The following PTPRM variants were observed in gnomAD, a reference collection of about 807,000 sequenced individuals.
PTPRM encodes receptor-type tyrosine-protein phosphatase mu.
In PTPRM, 47 loss-of-function variants were observed where a neutral mutation model predicts 186.7. The ratio of observed to expected loss-of-function variants is 0.25; its 90% confidence interval spans 0.20 to 0.32. The LOEUF (loss-of-function observed/expected upper bound fraction) is 0.32. Among genes scored for constraint, PTPRM ranks in the 10% least tolerant of loss-of-function variants. The probability of loss-of-function intolerance (pLI) is 1.00; values close to 1 mark genes in which losing one functional copy is unlikely to be tolerated. For missense variants in PTPRM, 1,494 were observed against 1,865.0 expected, an observed-to-expected ratio of 0.80 and a Z score of 3.66; for synonymous variants, 668 against 674.9, an observed-to-expected ratio of 0.99 and a Z score of 0.16.
chr18:7,735,948 G>A (rs562004194), intron 1 of PTPRM, among the ~76,000 whole-genome samples: 2 of 150,908 alleles, frequency 1.3e-5, no homozygotes, highest in East Asian at 2.0e-4. Context: ...TGAAAGCACC[G>A]CCTCCCCCCA....
chr18:8,126,027 A>ATATATATATTTTTTT (rs57751538), intron 13 of PTPRM, among the ~76,000 whole-genome samples: 64 of 69,478 alleles, frequency 9.2e-4, no homozygotes, highest in Non-Finnish European at 1.3e-3. Context: ...ATATATATAT[A>ATATATATATTTTTTT]TTTTAAATCA....
intron 7 of PTPRM, among the ~76,000 whole-genome samples, chr18:8,031,450 G>T (rs376636710): frequency 2.6e-5 from 4 of 152,134 alleles, no homozygotes; most frequent in Non-Finnish European, 5.9e-5. Context: ...CAATAATTCC[G>T]TCAGATGCAG....
chr18:8,273,806 G>A (rs1387299501), intron 19 of PTPRM, among the ~76,000 whole-genome samples: 1 of 152,204 alleles, frequency 6.6e-6, no homozygotes, highest in Non-Finnish European at 1.5e-5. Context: ...GAAAGGAGGA[G>A]AAAATGGAGC....
In PTPRM at chr18:7,665,577, A is replaced by T. The variant is rs532672047; in HGVS notation, c.73+97686A>T. ...GAAGTTATAATTTAGAAGAGCATTA[A>T]ATTAGGATATTTGGAATTATTCTTT... On this transcript the variant is annotated intron_variant, in intron 1 of 32. Transcript: ENST00000580170. 4.1e-4 allele frequency among the ~76,000 whole-genome samples: 63 copies of T among 152,244 alleles called. 2 individuals are homozygous for T. In the South Asian group the frequency reaches 0.013, roughly 31 times the overall value.
chr18:7,912,391 C>A (rs1599457323), intron 4 of PTPRM, among the ~76,000 whole-genome samples: 1 of 152,180 alleles, frequency 6.6e-6, no homozygotes, highest in Non-Finnish European at 1.5e-5. Context: ...CATGACTATT[C>A]TGCTACAAGT....
At chr18:7,920,630 A>G (rs1429682031) in intron 4 of PTPRM, among the ~76,000 whole-genome samples, 1 of 152,214 alleles carries the variant, frequency 6.6e-6, no homozygotes, top group Non-Finnish European at 1.5e-5. Flanking sequence ...AATAGATTGC[A>G]CACCACAGCT....
rs1008371409 is a variant in PTPRM at position 7,567,524 on chromosome 18, C to T, written c.-295C>T. On this transcript the variant is annotated 5_prime_UTR_variant, in exon 1 of 33. Coordinates refer to ENST00000580170, the MANE Select transcript of PTPRM (RefSeq NM_001105244.2). The surrounding 1 kb of genome is among the most constrained non-coding windows in gnomAD (Gnocchi z 4.3). ...AGGGGAGAGGCGGCGAGCTCAGCAA[C>T]CGGAACCGAGGGAAGATTTTGGCTC... The T allele has an allele frequency of 9.7e-6, 3 of 308,730 alleles. No individual in the cohort carries two copies. Among genetic ancestry groups the T allele is most frequent in the African/African-American group, 4.4e-5 (2 of 45,816 alleles). 19.1% of individuals were successfully genotyped at this position (308,730 alleles called of 1,614,324 possible). A position where few individuals can be genotyped will look rare whatever the true frequency, so the allele number is the denominator to read the frequency against.
At chr18:7,588,141 C>T (rs1276305403) in intron 1 of PTPRM, among the ~76,000 whole-genome samples, 1 of 152,076 alleles carries the variant, frequency 6.6e-6, no homozygotes, top group Non-Finnish European at 1.5e-5. Flanking sequence ...AGTGAGGATT[C>T]TGATTAAAAA....
chr18:7,796,437 G>C (rs1381587019), intron 2 of PTPRM, among the ~76,000 whole-genome samples: 1 of 152,214 alleles, frequency 6.6e-6, no homozygotes, highest in Non-Finnish European at 1.5e-5. Context: ...GTGGGCAGGA[G>C]GGCATGGGTA....
At chr18:7,722,428 A>C (rs1046894522) in intron 1 of PTPRM, among the ~76,000 whole-genome samples, 2 of 152,148 alleles carry the variant, frequency 1.3e-5, no homozygotes, top group Admixed American at 6.5e-5. Flanking sequence ...CATACTGTAC[A>C]CCGTACACCA....
chr18:8,306,815 TC>T (rs2095227029), intron 20 of PTPRM, among the ~76,000 whole-genome samples: 1 of 152,194 alleles, frequency 6.6e-6, no homozygotes, highest in Non-Finnish European at 1.5e-5. Flanking sequence ...TCTGAGTGTC[TC>T]CCACATTTGC....
intron 14 of PTPRM, among the ~76,000 whole-genome samples, chr18:8,179,392 A>G (rs1000767587): frequency 6.7e-6 from 1 of 150,322 alleles, no homozygotes; most frequent in Admixed American, 6.6e-5. Flanking sequence ...CATACATTTA[A>G]CTCCTGTTCT....
chr18:7,680,582 T>C (rs764054502), intron 1 of PTPRM, among the ~76,000 whole-genome samples: 1 of 152,178 alleles, frequency 6.6e-6, no homozygotes, highest in Non-Finnish European at 1.5e-5. Context: ...CTACAATTGT[T>C]GTATATTTCC....
chr18:8,040,210 G>C (rs1202240470), intron 7 of PTPRM, among the ~76,000 whole-genome samples: 2 of 152,130 alleles, frequency 1.3e-5, no homozygotes, highest in Non-Finnish European at 2.9e-5. Context: ...TTCTTAGAGT[G>C]TCTACCACAT....
intron 1 of PTPRM, among the ~76,000 whole-genome samples, chr18:7,636,585 C>T (rs995271705): frequency 1.3e-5 from 2 of 152,208 alleles, no homozygotes; most frequent in African/African-American, 4.8e-5. Flanking sequence ...CCTAGAGAAG[C>T]CTACAGCCTA....
intron 7 of PTPRM, among the ~76,000 whole-genome samples, chr18:7,986,963 G>C (rs35608995): frequency 0.34 from 51,206 of 152,090 alleles, 9,531 homozygotes; most frequent in Non-Finnish European, 0.42. Flanking sequence ...AGCAAGCCAA[G>C]GAGACAGATC....
intron 1 of PTPRM, among the ~76,000 whole-genome samples, chr18:7,669,715 T>C (rs549092678): frequency 6.6e-6 from 1 of 152,210 alleles, no homozygotes; most frequent in African/African-American, 2.4e-5. Context: ...AGAGAATGCA[T>C]GCTATCTTTT....
At chr18:8,199,405 C>T (rs183559069) in intron 14 of PTPRM, among the ~76,000 whole-genome samples, 15 of 152,224 alleles carry the variant, frequency 9.9e-5, no homozygotes, top group African/African-American at 3.1e-4. Flanking sequence ...AAAAAGAGAA[C>T]GTTTACACCC....
At chr18:7,985,653 A>G (rs1029736384) in intron 7 of PTPRM, among the ~76,000 whole-genome samples, 2 of 149,372 alleles carry the variant, frequency 1.3e-5, no homozygotes, top group African/African-American at 4.9e-5. Flanking sequence ...ATATGGGGTA[A>G]ATATATATAT....
Sources: gnomAD v4.1 joint callset for allele counts (sites outside exome capture counted in the v4.1 genomes callset) on GRCh38, gnomAD v4.1.1 for gene constraint, Gnocchi (gnomAD v3.1) non-coding constraint, MANE v1.5 for transcripts, NCBI Gene and HGNC (gene_info 2026-07-23, HGNC 2026-07-21) for gene names.